The following CDK14 variants were observed in gnomAD, a reference collection of about 807,000 sequenced individuals.
CDK14 encodes the protein cyclin dependent kinase 14.
CDK14 carries 34 observed loss-of-function variants against 60.7 expected under a neutral mutation model. That is an observed-to-expected ratio of 0.56 (90% CI 0.43 to 0.75). The LOEUF (loss-of-function observed/expected upper bound fraction) is 0.75. Among genes scored for constraint, CDK14 ranks in the 30% least tolerant of loss-of-function variants. CDK14 has a pLI of 0.00. For missense variants in CDK14, 482 were observed against 564.1 expected (o/e 0.85, Z 1.47); for synonymous variants, 197 against 203.7 (o/e 0.97, Z 0.28).
At chr7:90,756,801 T>A (rs1011432009) in intron 4 of CDK14, among the ~76,000 whole-genome samples, 4 of 152,250 alleles carry the variant, frequency 2.6e-5, no homozygotes, top group Non-Finnish European at 5.9e-5. Context: ...TCTTTAAACA[T>A]AATCTTTTGC....
intron 2 of CDK14, among the ~76,000 whole-genome samples, chr7:90,644,701 G>A (rs751595549): frequency 1.3e-5 from 2 of 152,188 alleles, no homozygotes; most frequent in East Asian, 3.8e-4. Flanking sequence ...GGGCACCTCT[G>A]GTGATACCAT....
intron 2 of CDK14, among the ~76,000 whole-genome samples, chr7:90,671,070 C>T (rs1020244057): frequency 1.3e-5 from 2 of 152,104 alleles, no homozygotes; most frequent in Admixed American, 6.5e-5. Flanking sequence ...ATGTCTTCAT[C>T]ATTGTAAGTT....
chr7:91,065,089 T>G (rs1347561324), intron 11 of CDK14, among the ~76,000 whole-genome samples: 1 of 152,188 alleles, frequency 6.6e-6, no homozygotes, highest in African/African-American at 2.4e-5. Context: ...CAGTAGAACA[T>G]TTGTTTCCAG....
At chr7:90,937,371 A>G (rs571322739) in intron 8 of CDK14, among the ~76,000 whole-genome samples, 1 of 152,334 alleles carries the variant, frequency 6.6e-6, no homozygotes, top group South Asian at 2.1e-4. Context: ...CATAAAATCA[A>G]ATTGCCAATT....
Position 90,656,383 on chromosome 7 carries a change from C to CTT in CDK14, c.123+52147_123+52148dup, listed in dbSNP as rs5885737. ...GGTGCTTCTCCTTTTTTCTTTCTTT[C>CTT]TTTTTTTTTTTTTTGAGACAGAATC... On this transcript the variant is annotated intron_variant, in intron 2 of 14. Transcript: ENST00000380050. 8.4e-3 allele frequency among the ~76,000 whole-genome samples: 1,169 copies of CTT among 139,500 alleles called. 7 individuals carry two copies. Among genetic ancestry groups the CTT allele is most frequent in the South Asian group, 0.038 (168 of 4,428 alleles). 91.5% of individuals were successfully genotyped at this position (139,500 alleles called of 152,430 possible).
intron 5 of CDK14, among the ~76,000 whole-genome samples, chr7:90,853,204 C>T (rs1002190167): frequency 3.3e-5 from 5 of 152,102 alleles, no homozygotes; most frequent in African/African-American, 1.2e-4. Context: ...ATAATTACGA[C>T]CTTATCAACA....
At position 91,008,037 on chromosome 7, in the gene CDK14, A is replaced by C. The variant is rs143823988; in HGVS notation, c.1041+23796A>C. Among the ~76,000 whole-genome samples the C allele has an allele frequency of 2.1e-4, 32 of 149,000 alleles. 1 individual carries two copies. In the East Asian group the frequency reaches 5.9e-3, roughly 27 times the overall value. ...CCAGAAAAGACTTCTGCTTCTTTAG[A>C]TATTCCAGTATTGGATTAGGATTGC... On this transcript the variant is annotated intron_variant, in intron 10 of 14. Transcript: ENST00000380050.
At chr7:90,719,351 A>G (rs926908831) in intron 2 of CDK14, among the ~76,000 whole-genome samples, 1 of 152,178 alleles carries the variant, frequency 6.6e-6, no homozygotes, top group Non-Finnish European at 1.5e-5. Flanking sequence ...ACCCAGTAAA[A>G]TGCTGATCAC....
At chr7:90,900,791 C>T (rs1792483284) in intron 7 of CDK14, among the ~76,000 whole-genome samples, 2 of 152,178 alleles carry the variant, frequency 1.3e-5, no homozygotes, top group Non-Finnish European at 2.9e-5. Flanking sequence ...CTGATTGAAT[C>T]TTTCCCACAG....
intron 10 of CDK14, among the ~76,000 whole-genome samples, chr7:91,040,036 A>G (rs1385768707): frequency 6.6e-6 from 1 of 152,202 alleles, no homozygotes; most frequent in African/African-American, 2.4e-5. Flanking sequence ...GCAGTGAGCC[A>G]TGGTCACACC....
chr7:90,629,231 A>G (rs970084888), intron 2 of CDK14, among the ~76,000 whole-genome samples: 3 of 152,212 alleles, frequency 2.0e-5, no homozygotes, highest in African/African-American at 7.2e-5. Flanking sequence ...TAATAAAAGA[A>G]TTTTAGTAGT....
intron 1 of CDK14, among the ~76,000 whole-genome samples, chr7:90,603,672 C>T (rs1799360840): frequency 6.6e-6 from 1 of 152,122 alleles, no homozygotes; most frequent in South Asian, 2.1e-4. Context: ...GTATTGTTTT[C>T]TTTTGAAATA....
intron 13 of CDK14, among the ~76,000 whole-genome samples, chr7:91,117,425 C>T (rs1799642158): frequency 6.6e-6 from 1 of 151,878 alleles, no homozygotes; most frequent in Admixed American, 6.6e-5. Flanking sequence ...TCAGCTCTCA[C>T]TGTTTCTTCT....
intron 2 of CDK14, among the ~76,000 whole-genome samples, chr7:90,614,656 C>T (rs966046749): frequency 6.6e-6 from 1 of 151,688 alleles, no homozygotes; most frequent in Non-Finnish European, 1.5e-5. Context: ...TTGTATTGCC[C>T]AGACTGGTCT....
At chr7:90,803,317 T>C (rs1415624282) in intron 5 of CDK14, among the ~76,000 whole-genome samples, 1 of 152,108 alleles carries the variant, frequency 6.6e-6, no homozygotes, top group African/African-American at 2.4e-5. Flanking sequence ...CTATTTTCAG[T>C]TCAGATTATG....
At chr7:90,621,860 A>G (rs1799777289) in intron 2 of CDK14, among the ~76,000 whole-genome samples, 1 of 152,224 alleles carries the variant, frequency 6.6e-6, no homozygotes, top group Non-Finnish European at 1.5e-5. Context: ...AAGTTAAGCA[A>G]CTAGCACAGG....
intron 8 of CDK14, among the ~76,000 whole-genome samples, chr7:90,939,081 A>G (rs534358224): frequency 4.9e-4 from 75 of 152,364 alleles, no homozygotes; most frequent in African/African-American, 1.8e-3. Flanking sequence ...AAACAGGAAT[A>G]TCAATACAAG....
intron 10 of CDK14, among the ~76,000 whole-genome samples, chr7:91,024,598 C>T (rs1453133209): frequency 1.3e-5 from 2 of 152,182 alleles, no homozygotes; most frequent in Non-Finnish European, 2.9e-5. Context: ...TGGCAGTGAG[C>T]CGAGATTGTG....
At chr7:91,052,132 G>A (rs1026412216) in intron 11 of CDK14, among the ~76,000 whole-genome samples, 12 of 152,236 alleles carry the variant, frequency 7.9e-5, no homozygotes, top group East Asian at 5.8e-4. Flanking sequence ...CTGAGAGTGC[G>A]AGTGGTGTTT....
Sources: gnomAD v4.1 joint callset for allele counts (sites outside exome capture counted in the v4.1 genomes callset) on GRCh38, gnomAD v4.1.1 for gene constraint, MANE v1.5 for transcripts, NCBI Gene and HGNC (gene_info 2026-07-23, HGNC 2026-07-21) for gene names.